Variants in MAP3K5 observed in about 807,000 individuals in gnomAD.
MAP3K5 encodes the protein mitogen-activated protein kinase kinase kinase 5.
In MAP3K5, 56 loss-of-function variants were observed where a neutral mutation model predicts 158.7. The observed-to-expected ratio is 0.35, with a 90% CI of 0.28 to 0.44. The LOEUF (loss-of-function observed/expected upper bound fraction) is 0.44, where lower values mean the gene tolerates loss of function less well. Ranked by LOEUF, MAP3K5 falls within the 20% of genes least tolerant of loss-of-function variation. The pLI, the probability that MAP3K5 is intolerant of heterozygous loss-of-function variation, is 1.00. For missense variants in MAP3K5, 1,294 were observed against 1,674.8 expected, an observed-to-expected ratio of 0.77 and a Z score of 3.97; for synonymous variants, 579 against 601.7, an observed-to-expected ratio of 0.96 and a Z score of 0.55.
chr6:136,711,569 G>A (rs947505844), intron 2 of MAP3K5, among the ~76,000 whole-genome samples: 5 of 151,848 alleles, frequency 3.3e-5, no homozygotes, highest in African/African-American at 1.2e-4. Context: ...AGGAGGTCGA[G>A]ATGGGAGGAT....
At chr6:136,698,249 C>T (rs777877416) in intron 4 of MAP3K5, among the ~76,000 whole-genome samples, 5 of 152,190 alleles carry the variant, frequency 3.3e-5, no homozygotes, top group Non-Finnish European at 7.4e-5. Context: ...ATTTTTAGTT[C>T]TACCATCACT....
At chr6:136,723,608 A>T (rs572161148) in intron 1 of MAP3K5, among the ~76,000 whole-genome samples, 24 of 152,356 alleles carry the variant, frequency 1.6e-4, no homozygotes, top group African/African-American at 5.5e-4. Flanking sequence ...TATAAAATGA[A>T]CAACATTCAA....
intron 15 of MAP3K5, among the ~76,000 whole-genome samples, chr6:136,622,616 G>T (rs1352939433): frequency 6.6e-6 from 1 of 152,138 alleles, no homozygotes; most frequent in Admixed American, 6.6e-5. Flanking sequence ...GACAACCTGA[G>T]CCTAACACAC....
chr6:136,603,649 G>C (rs1464506429), intron 19 of MAP3K5, among the ~76,000 whole-genome samples: 1 of 152,136 alleles, frequency 6.6e-6, no homozygotes, highest in African/African-American at 2.4e-5. Context: ...GCAACTTCCT[G>C]TGCACAGCTT....
chr6:136,737,045 A>ATATATATATATATGTG (rs1562659005), intron 1 of MAP3K5, among the ~76,000 whole-genome samples: 1 of 147,492 alleles, frequency 6.8e-6, no homozygotes, highest in Non-Finnish European at 1.5e-5. Flanking sequence ...GTGTATATAT[A>ATATATATATATATGTG]TATATATATA....
At chr6:136,735,246 C>T (rs980714254) in intron 1 of MAP3K5, among the ~76,000 whole-genome samples, 2 of 152,082 alleles carry the variant, frequency 1.3e-5, no homozygotes, top group African/African-American at 4.8e-5. Context: ...AACTTAGACT[C>T]TAGAAAATTC....
intron 25 of MAP3K5, among the ~76,000 whole-genome samples, chr6:136,577,578 G>C (rs1774674383): frequency 6.6e-6 from 1 of 152,232 alleles, no homozygotes; most frequent in Non-Finnish European, 1.5e-5. Context: ...GATCACAGCA[G>C]TGTCCATCCC....
At chr6:136,623,602 G>C (rs1481748609) in intron 14 of MAP3K5, among the ~76,000 whole-genome samples, 1 of 152,170 alleles carries the variant, frequency 6.6e-6, no homozygotes, top group Admixed American at 6.5e-5. Context: ...ACTCCAAACT[G>C]TCAAGTATGT....
intron 1 of MAP3K5, among the ~76,000 whole-genome samples, chr6:136,730,707 G>A (rs546347536): frequency 1.3e-4 from 17 of 134,240 alleles, no homozygotes; most frequent in African/African-American, 4.4e-4. Flanking sequence ...GGGAGATAGA[G>A]TGAAACTCTG....
In MAP3K5 at chr6:136,656,324, T is replaced by C; in HGVS notation, c.1663A>G (p.Thr555Ala). Residue 555 changes from threonine to alanine, a missense_variant, in exon 10 of 30, where the codon ACT becomes GCT. Physicochemically the swap from Thr to Ala is moderately conservative, Grantham distance 58. Coordinates refer to ENST00000359015, the MANE Select transcript of MAP3K5 (RefSeq NM_005923.4). ...GTACTCACTGGAAACCTAACCACAG[T>C]AACATCTGTCTTTGTGGCCTCGACC... is the stretch of plus-strand genomic sequence containing the variant. Reference protein sequence around the residue: ...FLVEATKTDVTVVRFPVLILE... With the variant: ...FLVEATKTDVAVVRFPVLILE... 6.2e-7 allele frequency: 1 copy of C among 1,613,932 alleles called. No homozygotes were observed. The highest frequency in any genetic ancestry group is 8.5e-7 in the Non-Finnish European group (1 of 1,179,862).
At chr6:136,573,786 G>C (rs1010093867) in intron 25 of MAP3K5, among the ~76,000 whole-genome samples, 1 of 152,120 alleles carries the variant, frequency 6.6e-6, no homozygotes, top group Non-Finnish European at 1.5e-5. Flanking sequence ...GACTCAAGGG[G>C]GCCTTAAAGC....
intron 1 of MAP3K5, among the ~76,000 whole-genome samples, chr6:136,745,995 G>A (rs1335356903): frequency 2.0e-5 from 3 of 152,178 alleles, no homozygotes; most frequent in Admixed American, 1.3e-4. Context: ...GCATAGCCTG[G>A]AAACAGGGTC....
intron 7 of MAP3K5, among the ~76,000 whole-genome samples, chr6:136,680,989 A>G (rs1338718416): frequency 6.6e-6 from 1 of 152,158 alleles, no homozygotes. Context: ...GAAAATCTAA[A>G]TATTTCATGC....
intron 18 of MAP3K5, among the ~76,000 whole-genome samples, chr6:136,608,804 C>T (rs1241099718): frequency 6.6e-6 from 1 of 152,172 alleles, no homozygotes; most frequent in Non-Finnish European, 1.5e-5. Context: ...AGCAAGGTAA[C>T]ACAGTAAGCA....
intron 3 of MAP3K5, among the ~76,000 whole-genome samples, chr6:136,701,209 C>T (rs563646996): frequency 1.3e-5 from 2 of 152,334 alleles, no homozygotes; most frequent in Admixed American, 6.5e-5. Context: ...GTGGCCTTTA[C>T]AGCAGACACA....
At chr6:136,604,063 G>A (rs921354216) in intron 19 of MAP3K5, among the ~76,000 whole-genome samples, 13 of 152,184 alleles carry the variant, frequency 8.5e-5, no homozygotes, top group East Asian at 1.9e-4. Flanking sequence ...GGCTCATGCC[G>A]GTAATCCCAA....
At chr6:136,657,018 C>A (rs1432302251) in intron 9 of MAP3K5, among the ~76,000 whole-genome samples, 1 of 152,152 alleles carries the variant, frequency 6.6e-6, no homozygotes, top group African/African-American at 2.4e-5. Flanking sequence ...GCTTAGAGGG[C>A]TTGGTAACTT....
At chr6:136,726,743 C>T (rs1781985863) in intron 1 of MAP3K5, among the ~76,000 whole-genome samples, 1 of 151,998 alleles carries the variant, frequency 6.6e-6, no homozygotes, top group African/African-American at 2.4e-5. Context: ...ATAGATAGTA[C>T]TGTTTTTAAA....
chr6:136,580,406 C>T lies in MAP3K5; in HGVS notation c.3412G>A (p.Val1138Ile). 1 of 1,596,978 alleles carries T rather than the reference C, an allele frequency of 6.3e-7. No homozygotes were observed. The highest frequency in any genetic ancestry group is 8.6e-7 in the Non-Finnish European group (1 of 1,164,882). ...QVVLFGFQDA[V>I]NKVLRNHNIK... ...TTATGATTCCGAAGAACTTTATTGA[C>T]CTGGAGAGAGAGTGACATTTAGCCT... Residue 1138 changes from valine to isoleucine, a missense_variant and splice_region_variant, in exon 25 of 30, where the codon GTC (valine) becomes ATC (isoleucine). Val to Ile is a conservative substitution (Grantham distance 29). Transcript: ENST00000359015.
Sources: allele counts gnomAD v4.1 joint callset (sites outside exome capture counted in the v4.1 genomes callset), GRCh38; gene constraint gnomAD v4.1.1; transcripts MANE v1.5; gene names NCBI Gene and HGNC (gene_info 2026-07-23, HGNC 2026-07-21).